FOSL2: variants seen among roughly 807,000 people sequenced by gnomAD.
FOSL2 encodes fos-related antigen 2.
A neutral mutation model predicts 27.7 loss-of-function variants in FOSL2; 3 were observed. The ratio of observed to expected loss-of-function variants is 0.11; its 90% confidence interval spans 0.05 to 0.28. The LOEUF (loss-of-function observed/expected upper bound fraction) is 0.28. Among genes scored for constraint, FOSL2 ranks in the 10% least tolerant of loss-of-function variants. The pLI is 1.00. For missense variants in FOSL2, 333 were observed against 445.1 expected, an observed-to-expected ratio of 0.75 and a Z score of 2.27; for synonymous variants, 179 against 190.1, an observed-to-expected ratio of 0.94 and a Z score of 0.48.
In FOSL2 at chr2:28,404,455, G is replaced by T. The variant is rs997740360; in HGVS notation, c.354+97G>T. The T allele has an allele frequency of 2.1e-6, 3 of 1,419,168 alleles. No individual in the cohort carries two copies. The highest frequency in any genetic ancestry group is 1.4e-5 in the South Asian group (1 of 73,946). 87.9% of individuals were successfully genotyped at this position (1,419,168 alleles called of 1,614,324 possible). On this transcript the variant is annotated intron_variant, in intron 2 of 3. Coordinates refer to ENST00000264716, the MANE Select transcript of FOSL2 (RefSeq NM_005253.4). This position sits in a 1 kb window ranked among gnomAD's most constrained non-coding sequence, Gnocchi z 4.7. ...TGCAGACTGGGAGGGTTAATGTTCT[G>T]AGAGCAGGGGAGACAAGGGAGCTAG...
At chr2:28,397,024 A>G (rs982278159) in intron 1 of FOSL2, 1 of 152,150 alleles carries the variant, frequency 6.6e-6, no homozygotes, top group African/African-American at 2.4e-5. Context: ...AGAGTGTTAA[A>G]TTGGTGAGTT....
rs1664282876 is a variant in FOSL2, at chr2:28,414,908, C to CA, written c.*2461dup. On this transcript the variant is annotated 3_prime_UTR_variant, in exon 4 of 4. Coordinates refer to ENST00000264716, the MANE Select transcript of FOSL2 (RefSeq NM_005253.4). ...CCAGGCTTTGTCATAGGAGGTCGTT[C>CA]AGCTTCCCCAAAGTCAGAGGTGATT... The CA allele has an allele frequency of 6.6e-6, 1 of 152,222 alleles. No homozygotes were observed. The highest frequency in any genetic ancestry group is 1.5e-5 in the Non-Finnish European group (1 of 68,052). The allele number at this position is 152,222 out of a possible 1,614,324, so 9.4% of individuals were successfully genotyped here. A position where few individuals can be genotyped will look rare whatever the true frequency, so the allele number is the denominator to read the frequency against.
At chr2:28,406,840 G>A (rs1198947777) in intron 2 of FOSL2, among the ~76,000 whole-genome samples, 1 of 152,214 alleles carries the variant, frequency 6.6e-6, no homozygotes, top group African/African-American at 2.4e-5. Flanking sequence ...GGAGGAGCCT[G>A]CCTCCGGAGC....
Position 28,412,066 on chromosome 2 carries a change from C to T in FOSL2, c.599C>T (p.Ser200Leu), listed in dbSNP as rs773239010. ...VCKISPEERRSPPAPGLQPMR... is the reference protein window; with the variant it reads ...VCKISPEERRLPPAPGLQPMR... ...AAGATTAGCCCCGAGGAGCGCCGAT[C>T]GCCCCCAGCCCCTGGGCTGCAGCCC... is the stretch of plus-strand genomic sequence containing the variant. Residue 200 changes from serine (S) to leucine (L), a missense_variant, in exon 4 of 4, where the codon TCG (serine) becomes TTG (leucine). Ser to Leu is a moderately radical substitution (Grantham distance 145). Around this residue, in one of 4 missense-constraint regions of FOSL2, gnomAD observed 136 missense variants for 123.7 expected, o/e 1.10. Transcript: ENST00000264716. The surrounding 1 kb of genome is among the most constrained non-coding windows in gnomAD (Gnocchi z 7.1). The T allele has an allele frequency of 1.1e-5, 17 of 1,607,298 alleles. No individual in the cohort carries two copies. The highest frequency in any genetic ancestry group is 6.7e-5 in the African/African-American group (5 of 74,824).
At chr2:28,405,467 C>G (rs771729659) in intron 2 of FOSL2, among the ~76,000 whole-genome samples, 1 of 152,212 alleles carries the variant, frequency 6.6e-6, no homozygotes, top group Non-Finnish European at 1.5e-5. Flanking sequence ...AGCCTTGGAA[C>G]CCTTCCTCAT....
At chr2:28,405,895 C>T (rs1175607760) in intron 2 of FOSL2, among the ~76,000 whole-genome samples, 4 of 152,106 alleles carry the variant, frequency 2.6e-5, no homozygotes, top group Non-Finnish European at 2.9e-5. Flanking sequence ...GCTTCCTTCA[C>T]GGAATCCAAG....
At position 28,413,592 on chromosome 2, in the gene FOSL2, C is replaced by T. The variant is rs1008783083; in HGVS notation, c.*1144C>T. ...GAGGCAGGGGAGGGAGGCGGGAGGC[C>T]GTCACTGGAGTGGCGTCTGCAGCAG... is the stretch of plus-strand genomic sequence containing the variant. On this transcript the variant is annotated 3_prime_UTR_variant, in exon 4 of 4. Transcript: ENST00000264716. 38 of 398,750 alleles carry T rather than the reference C, an allele frequency of 9.5e-5. No homozygotes were observed. Among genetic ancestry groups the T allele is most frequent in the Admixed American group, 2.2e-4 (5 of 22,734 alleles). The allele number at this position is 398,750 out of a possible 1,614,324, so 24.7% of individuals were successfully genotyped here. A position where few individuals can be genotyped will look rare whatever the true frequency, so the allele number is the denominator to read the frequency against.
rs1664034267 is a variant in FOSL2 at position 28,404,284 on chromosome 2, C to T, written c.280C>T (p.His94Tyr). Residue 94 changes from histidine to tyrosine, a missense_variant, in exon 2 of 4, where the codon CAC becomes TAC. His to Tyr is a moderately conservative substitution (Grantham distance 83). Around this residue, in one of 4 missense-constraint regions of FOSL2, gnomAD observed 131 missense variants for 157.9 expected, o/e 0.83. Transcript: ENST00000264716. This position sits in a 1 kb window ranked among gnomAD's most constrained non-coding sequence, Gnocchi z 4.7. The stretch of plus-strand genomic sequence containing the variant: ...GCCGGGCCTGGCCTCTGTCCCTGGA[C>T]ACATGGCCCTCCCAAGACCTGGCGT... ...PLPGLASVPG[H>Y]MALPRPGVIK... 1.9e-6 allele frequency: 3 copies of T among 1,614,222 alleles called. No homozygotes were observed. The highest frequency in any genetic ancestry group is 1.7e-6 in the Non-Finnish European group (2 of 1,180,042).
At position 28,393,298 on chromosome 2, in the gene FOSL2, G is replaced by A. The variant is rs1317268204; in HGVS notation, c.-423G>A. 1.4e-5 allele frequency: 3 copies of A among 209,386 alleles called. No homozygotes were observed. Among genetic ancestry groups the A allele is most frequent in the African/African-American group, 4.7e-5 (2 of 42,900 alleles). The allele number at this position is 209,386 out of a possible 1,614,324, so 13.0% of individuals were successfully genotyped here. A position where few individuals can be genotyped will look rare whatever the true frequency, so the allele number is the denominator to read the frequency against. ...GCCTTTTTGGCCCTGTCTGAAATCG[G>A]GGGTCCCCAGGGCTGGCAGGCCAGG... is the stretch of plus-strand genomic sequence containing the variant. On this transcript the variant is annotated 5_prime_UTR_variant, in exon 1 of 4. Transcript: ENST00000264716. The surrounding 1 kb of genome is among the most constrained non-coding windows in gnomAD (Gnocchi z 4.6).
Position 28,404,114 on chromosome 2 carries a change from G to A in FOSL2, c.110G>A (p.Arg37Gln), listed in dbSNP as rs140097788. ...SSGGGGQQKFRVDMPGSGSAF... is the reference protein window; with the variant it reads ...SSGGGGQQKFQVDMPGSGSAF... ...TTTTTTTCCTCATTTCAGAAATTCC[G>A]GGTAGATATGCCTGGCTCAGGCAGT... is the stretch of plus-strand genomic sequence containing the variant. The change falls in exon 2 of 4, where the codon CGG becomes CAG. Residue 37 changes from arginine (R) to glutamine (Q), a missense_variant. Around this residue, in one of 4 missense-constraint regions of FOSL2, gnomAD observed 131 missense variants for 157.9 expected, o/e 0.83. Transcript: ENST00000264716. This position sits in a 1 kb window ranked among gnomAD's most constrained non-coding sequence, Gnocchi z 4.7. The A allele has an allele frequency of 6.6e-5, 106 of 1,613,796 alleles. No individual in the cohort carries two copies. The highest frequency in any genetic ancestry group is 1.6e-4 in the Middle Eastern group (1 of 6,082).
rs1663721591 is a variant in FOSL2 at position 28,393,428 on chromosome 2, A to C, written c.-293A>C. The C allele has an allele frequency of 1.6e-5, 6 of 367,550 alleles. No individual in the cohort carries two copies. The highest frequency in any genetic ancestry group is 2.5e-5 in the Non-Finnish European group (5 of 202,196). 22.8% of individuals were successfully genotyped at this position (367,550 alleles called of 1,614,324 possible). On this transcript the variant is annotated 5_prime_UTR_variant, in exon 1 of 4. Transcript: ENST00000264716. This position sits in a 1 kb window ranked among gnomAD's most constrained non-coding sequence, Gnocchi z 4.6. ...GGGGGCGGGAGGGCGCGCGCAGGGG[A>C]GGGACCGAGAGACGCGCCGACTTTT...
In FOSL2 at chr2:28,414,914, C is replaced by T. The variant is rs1664282973; in HGVS notation, c.*2466C>T. On this transcript the variant is annotated 3_prime_UTR_variant, in exon 4 of 4. Coordinates refer to ENST00000264716, the MANE Select transcript of FOSL2 (RefSeq NM_005253.4). Reference sequence around the variant, plus strand: ...TTTGTCATAGGAGGTCGTTCAGCTTCCCCAAAGTCAGAGGTGATTTGATTT... The same window carrying T: ...TTTGTCATAGGAGGTCGTTCAGCTTTCCCAAAGTCAGAGGTGATTTGATTT... 1 of 152,210 alleles carries T rather than the reference C, an allele frequency of 6.6e-6. No homozygotes were observed. The highest frequency in any genetic ancestry group is 6.5e-5 in the Admixed American group (1 of 15,272). 9.4% of individuals were successfully genotyped at this position (152,210 alleles called of 1,614,324 possible).
In FOSL2 at chr2:28,416,250, A is replaced by C. The variant is rs1664310015; in HGVS notation, c.*3802A>C. 1 of 152,124 alleles carries C rather than the reference A, an allele frequency of 6.6e-6. No individual in the cohort carries two copies. The highest frequency in any genetic ancestry group is 6.6e-5 in the Admixed American group (1 of 15,264). The allele number at this position is 152,124 out of a possible 1,614,324, so 9.4% of individuals were successfully genotyped here. ...TATGCTTCTAGTGTTTTGGCCATAC[A>C]TCAACCAAGGGGTTTAATTTATCCA... is the stretch of plus-strand genomic sequence containing the variant. On this transcript the variant is annotated 3_prime_UTR_variant, in exon 4 of 4. Coordinates refer to ENST00000264716, the MANE Select transcript of FOSL2 (RefSeq NM_005253.4).
At chr2:28,394,889 T>G (rs1267831779) in intron 1 of FOSL2, among the ~76,000 whole-genome samples, 1 of 152,104 alleles carries the variant, frequency 6.6e-6, no homozygotes, top group Non-Finnish European at 1.5e-5. Context: ...ATGCTCATGC[T>G]CCATAAGGCG....
rs1663712783 is a variant in FOSL2 at position 28,393,177 on chromosome 2, A to G, written c.-544A>G. On this transcript the variant is annotated 5_prime_UTR_variant, in exon 1 of 4. Transcript: ENST00000264716. The surrounding 1 kb of genome is among the most constrained non-coding windows in gnomAD (Gnocchi z 4.6). ...AGTCAAGTATCCGAGCCGCCCCGAA[A>G]CTCGGGCGGCGAGTCGGCCACGGGA... The G allele has an allele frequency of 3.8e-6, 1 of 260,986 alleles. No individual in the cohort carries two copies. Among genetic ancestry groups the G allele is most frequent in the Non-Finnish European group, 7.2e-6 (1 of 139,714 alleles). The allele number at this position is 260,986 out of a possible 1,614,324, so 16.2% of individuals were successfully genotyped here. A position where few individuals can be genotyped will look rare whatever the true frequency, so the allele number is the denominator to read the frequency against.
rs374401510 is a variant in FOSL2 at position 28,412,171 on chromosome 2, C to T, written c.704C>T (p.Ser235Leu). ...GAAGAGGACAGCCCCTCGTCCTCGT[C>T]GGCGGGGCTGGACAAGGCCCAGCGC... ...PLEEDSPSSS[S>L]AGLDKAQRSV... is the part of the protein sequence containing the mutation. The change falls in exon 4 of 4, where the codon TCG becomes TTG. Residue 235 changes from serine to leucine, a missense_variant. Around this residue, in one of 4 missense-constraint regions of FOSL2, gnomAD observed 136 missense variants for 123.7 expected, o/e 1.10. Transcript: ENST00000264716. This position sits in a 1 kb window ranked among gnomAD's most constrained non-coding sequence, Gnocchi z 7.1. 1.1e-4 allele frequency: 175 copies of T among 1,607,174 alleles called. 2 individuals carry two copies. In the Admixed American group the frequency reaches 2.7e-3, roughly 24 times the overall value.
chr2:28,400,527 G>T (rs146883474), intron 1 of FOSL2, among the ~76,000 whole-genome samples: 2 of 152,286 alleles, frequency 1.3e-5, no homozygotes, highest in Admixed American at 6.5e-5. Flanking sequence ...TCCAAGAGAA[G>T]CTCCTCTTGG....
chr2:28,400,861 A>G (rs964480056), intron 1 of FOSL2, among the ~76,000 whole-genome samples: 2 of 152,204 alleles, frequency 1.3e-5, no homozygotes, highest in Non-Finnish European at 2.9e-5. Context: ...TTTGTCCCTC[A>G]GCTTTGCTTC....
Position 28,392,863 on chromosome 2 carries a change from G to A in FOSL2, c.-858G>A. On this transcript the variant is annotated 5_prime_UTR_variant, in exon 1 of 4. Transcript: ENST00000264716. ...TGAGTTGAACTCGTGCCATTGTAGTGACTCATCTCGGGCAGAGCGCTAGGG... is the reference window on the plus strand; with the variant it reads ...TGAGTTGAACTCGTGCCATTGTAGTAACTCATCTCGGGCAGAGCGCTAGGG... 1.4e-6 allele frequency: 1 copy of A among 715,838 alleles called. No homozygotes were observed. The highest frequency in any genetic ancestry group is 2.6e-6 in the Non-Finnish European group (1 of 384,038). The allele number at this position is 715,838 out of a possible 1,614,324, so 44.3% of individuals were successfully genotyped here.
Sources: gnomAD v4.1 joint callset for allele counts (sites outside exome capture counted in the v4.1 genomes callset) on GRCh38, gnomAD v4.1.1 for gene constraint, gnomAD v4.1.1 regional missense constraint, Gnocchi (gnomAD v3.1) non-coding constraint, MANE v1.5 for transcripts, NCBI Gene and HGNC (gene_info 2026-07-23, HGNC 2026-07-21) for gene names.